The following TUSC3 variants were observed in gnomAD, a reference collection of about 807,000 sequenced individuals.
The protein encoded by TUSC3 is dolichyl-diphosphooligosaccharide--protein glycosyltransferase subunit TUSC3.
A neutral mutation model predicts 44.8 loss-of-function variants in TUSC3; 45 were observed. The ratio of observed to expected loss-of-function variants is 1.00; its 90% CI spans 0.79 to 1.29. TUSC3 has a LOEUF of 1.29. Among genes scored for constraint, TUSC3 ranks in the 50% most tolerant of loss-of-function variants. The pLI is 0.00. For synonymous variants in TUSC3, 212 were observed against 152.9 expected (o/e 1.39, Z -2.85); for missense variants, 519 against 437.9 (o/e 1.19, Z -1.65).
intron 1 of TUSC3, among the ~76,000 whole-genome samples, chr8:15,606,396 G>C (rs1444674661): frequency 6.6e-6 from 1 of 151,994 alleles, no homozygotes; most frequent in African/African-American, 2.4e-5. Context: ...AAGGCTTCTG[G>C]TCAGCAGTAA....
downstream of TUSC3, among the ~76,000 whole-genome samples, chr8:15,770,386 C>T (rs1812419851): frequency 6.6e-6 from 1 of 152,062 alleles, no homozygotes; most frequent in Non-Finnish European, 1.5e-5. Flanking sequence ...CGGAGGGGAA[C>T]ATCACACACC....
At chr8:15,636,303 G>A (rs539901685) in intron 2 of TUSC3, among the ~76,000 whole-genome samples, 1 of 152,224 alleles carries the variant, frequency 6.6e-6, no homozygotes, top group South Asian at 2.1e-4. Context: ...GAGTTGGGTG[G>A]CAGAGTTAGG....
At chr8:15,505,585 G>C (rs1171336295) in intron 2 of TUSC3, among the ~76,000 whole-genome samples, 3 of 152,080 alleles carry the variant, frequency 2.0e-5, no homozygotes, top group Non-Finnish European at 2.9e-5. Context: ...TCCCAAGCTT[G>C]TCTGTCCTAA....
intron 9 of TUSC3, among the ~76,000 whole-genome samples, chr8:15,753,438 A>G (rs1043258123): frequency 3.9e-5 from 6 of 152,110 alleles, no homozygotes; most frequent in African/African-American, 1.4e-4. Flanking sequence ...TCAGGTTTAT[A>G]TAGTATAACT....
At chr8:15,648,261 C>A (rs1031565324) in intron 2 of TUSC3, among the ~76,000 whole-genome samples, 1 of 152,108 alleles carries the variant, frequency 6.6e-6, no homozygotes, top group Non-Finnish European at 1.5e-5. Context: ...TAAGTGCTCT[C>A]TCTTTTACTA....
chr8:15,726,533 C>T (rs369789244), intron 6 of TUSC3, among the ~76,000 whole-genome samples: 25 of 152,056 alleles, frequency 1.6e-4, no homozygotes, highest in Non-Finnish European at 2.9e-4. Context: ...GGGCCAGGTG[C>T]GGTGGCTCAC....
downstream of TUSC3, among the ~76,000 whole-genome samples, chr8:15,771,359 A>G (rs1400823459): frequency 6.6e-6 from 1 of 152,218 alleles, no homozygotes; most frequent in Non-Finnish European, 1.5e-5. Flanking sequence ...ATGGAAATGC[A>G]TGGGATCCTG....
intron 1 of TUSC3, among the ~76,000 whole-genome samples, chr8:15,621,943 T>G (rs1805265300): frequency 6.6e-6 from 1 of 152,142 alleles, no homozygotes; most frequent in Non-Finnish European, 1.5e-5. Flanking sequence ...TCTTTTTTCC[T>G]GTTCAAGTGG....
chr8:15,756,061 T>A (rs1352724007), intron 9 of TUSC3, among the ~76,000 whole-genome samples: 1 of 152,108 alleles, frequency 6.6e-6, no homozygotes. Flanking sequence ...GACTCTGTCT[T>A]AGGGAGGTCG....
At chr8:15,670,011 T>TA (rs951301430) in intron 5 of TUSC3, among the ~76,000 whole-genome samples, 8 of 151,762 alleles carry the variant, frequency 5.3e-5, no homozygotes, top group African/African-American at 1.9e-4. Flanking sequence ...AAGGAAGTTT[T>TA]AAAAAAATCT....
rs531990279 is a variant in TUSC3 at position 15,597,386 on chromosome 8, G to C, written c.139-25694G>C. Among the ~76,000 whole-genome samples, 17 of 152,144 alleles carry C rather than the reference G, an allele frequency of 1.1e-4. 1 individual carries two copies. In the South Asian group the frequency reaches 1.2e-3, roughly 11 times the overall value. ...ATTCTTCTTGAGCCAGTTGGACACT[G>C]CATTCTTAAATATTAGTTGCTAGTA... is the stretch of plus-strand genomic sequence containing the variant. On this transcript the variant is annotated intron_variant, in intron 1 of 10. Transcript: ENST00000503731.
intron 6 of TUSC3, chr8:15,689,039 G>A (rs1426590216): frequency 3.2e-6 from 1 of 309,146 alleles, no homozygotes; most frequent in African/African-American, 2.3e-5. Flanking sequence ...CAGTGCAGGG[G>A]GATGACTCGT....
intron 6 of TUSC3, among the ~76,000 whole-genome samples, chr8:15,727,602 A>G (rs924251198): frequency 6.6e-6 from 1 of 152,182 alleles, no homozygotes; most frequent in Non-Finnish European, 1.5e-5. Context: ...AAGAAGTACA[A>G]AAGTCAAATG....
the TUSC3 span, among the ~76,000 whole-genome samples, chr8:15,805,605 A>C: frequency 6.6e-6 from 1 of 151,984 alleles, no homozygotes; most frequent in Non-Finnish European, 1.5e-5. Flanking sequence ...TTTTGTTTTC[A>C]GTTCTGTTTA....
chr8:15,703,502 T>A (rs1809490045), intron 6 of TUSC3, among the ~76,000 whole-genome samples: 1 of 152,050 alleles, frequency 6.6e-6, no homozygotes, highest in Non-Finnish European at 1.5e-5. Context: ...CTTTGGCCAT[T>A]TGGGTTGTTA....
intron 1 of TUSC3, among the ~76,000 whole-genome samples, chr8:15,576,476 C>T (rs1204379681): frequency 8.2e-6 from 1 of 121,312 alleles, no homozygotes; most frequent in African/African-American, 3.1e-5. Flanking sequence ...CCCACCCCAC[C>T]ACAGTCCCCA....
In TUSC3 at chr8:15,430,114, C is replaced by T. The variant is rs191973911; in HGVS notation, n.91+12809C>T. On this transcript the variant is annotated intron_variant and non_coding_transcript_variant, in intron 1 of 5. Coordinates refer to the TUSC3 transcript ENST00000503191. ...TCAATAGAAAAAGAGGGAATCCTCCCTAATTCATTTTATGAGGCCAGCATC... is the reference window on the plus strand; with the variant it reads ...TCAATAGAAAAAGAGGGAATCCTCCTTAATTCATTTTATGAGGCCAGCATC... Among the ~76,000 whole-genome samples the T allele has an allele frequency of 9.3e-5, 14 of 150,908 alleles. No homozygotes were observed. In the East Asian group the frequency reaches 2.7e-3, roughly 29 times the overall value.
At chr8:15,698,957 C>T (rs1036041272) in intron 6 of TUSC3, among the ~76,000 whole-genome samples, 1 of 151,892 alleles carries the variant, frequency 6.6e-6, no homozygotes, top group African/African-American at 2.4e-5. Flanking sequence ...AGCCATCCTC[C>T]CACCTCAGCC....
chr8:15,644,692 T>G (rs896365845), intron 2 of TUSC3, among the ~76,000 whole-genome samples: 1 of 152,080 alleles, frequency 6.6e-6, no homozygotes, highest in South Asian at 2.1e-4. Flanking sequence ...GGGGCACATT[T>G]TTTTTTTCTA....
Sources: allele counts gnomAD v4.1 joint callset (sites outside exome capture counted in the v4.1 genomes callset), GRCh38; gene constraint gnomAD v4.1.1; transcripts MANE v1.5; gene names NCBI Gene and HGNC (gene_info 2026-07-23, HGNC 2026-07-21).